The following GALNTL6 variants were observed in gnomAD, a reference collection of about 807,000 sequenced individuals.
The protein encoded by GALNTL6 is polypeptide N-acetylgalactosaminyltransferase-like 6.
A neutral mutation model predicts 73.7 loss-of-function variants in GALNTL6; 46 were observed. The ratio of observed to expected loss-of-function variants is 0.62; its 90% confidence interval spans 0.49 to 0.80. GALNTL6 has a LOEUF of 0.80. Among genes scored for constraint, GALNTL6 ranks in the 30% least tolerant of loss-of-function variants. The probability of loss-of-function intolerance (pLI) is 0.00; values close to 1 mark genes in which losing one functional copy is unlikely to be tolerated. For synonymous variants in GALNTL6, 259 were observed against 263.7 expected (o/e 0.98, Z 0.17); for missense variants, 604 against 755.0 (o/e 0.80, Z 2.34).
At chr4:172,320,786 A>G (rs1740730281) in intron 4 of GALNTL6, among the ~76,000 whole-genome samples, 1 of 152,232 alleles carries the variant, frequency 6.6e-6, no homozygotes, top group African/African-American at 2.4e-5. Context: ...TGGTCAGGAA[A>G]GAGAGGAAGA....
At chr4:172,544,023 G>T (rs1370732464) in intron 5 of GALNTL6, among the ~76,000 whole-genome samples, 1 of 152,142 alleles carries the variant, frequency 6.6e-6, no homozygotes, top group Admixed American at 6.5e-5. Context: ...GTAAAGACAT[G>T]CCCGAGAGGT....
intron 5 of GALNTL6, among the ~76,000 whole-genome samples, chr4:172,396,366 A>G (rs1253219273): frequency 6.8e-6 from 1 of 147,810 alleles, no homozygotes; most frequent in Non-Finnish European, 1.5e-5. Context: ...GTTTTGATTT[A>G]CCATAGTCCT....
chr4:172,547,318 G>C (rs1735809804), intron 5 of GALNTL6, among the ~76,000 whole-genome samples: 1 of 152,076 alleles, frequency 6.6e-6, no homozygotes, highest in Non-Finnish European at 1.5e-5. Flanking sequence ...TCAGACTGAT[G>C]CAAGCCAGGG....
chr4:172,393,421 T>G (rs1032998041), intron 5 of GALNTL6, among the ~76,000 whole-genome samples: 2 of 152,064 alleles, frequency 1.3e-5, no homozygotes, highest in African/African-American at 4.8e-5. Flanking sequence ...CAGGCCAAAT[T>G]TGCCATTAAA....
At chr4:172,879,357 A>G (rs1052794937) in intron 7 of GALNTL6, among the ~76,000 whole-genome samples, 2 of 151,924 alleles carry the variant, frequency 1.3e-5, no homozygotes, top group Admixed American at 1.3e-4. Context: ...ACATTTACCA[A>G]GATAGACCAT....
intron 4 of GALNTL6, among the ~76,000 whole-genome samples, chr4:172,321,492 A>G (rs1476330352): frequency 1.3e-5 from 2 of 152,224 alleles, no homozygotes. Context: ...TAAATATAAC[A>G]GAAAAAGACT....
At chr4:172,663,336 C>A (rs1363040043) in intron 5 of GALNTL6, among the ~76,000 whole-genome samples, 1 of 152,166 alleles carries the variant, frequency 6.6e-6, no homozygotes, top group African/African-American at 2.4e-5. Flanking sequence ...CAGAGAAATG[C>A]AATCGGACTA....
chr4:172,738,068 C>A (rs1226833903), intron 5 of GALNTL6, among the ~76,000 whole-genome samples: 1 of 152,196 alleles, frequency 6.6e-6, no homozygotes, highest in Non-Finnish European at 1.5e-5. Context: ...TCTGCCTGTC[C>A]TCAGAGATAG....
At chr4:171,852,117 G>A (rs765369060) in intron 2 of GALNTL6, among the ~76,000 whole-genome samples, 2 of 152,096 alleles carry the variant, frequency 1.3e-5, no homozygotes, top group Non-Finnish European at 2.9e-5. Flanking sequence ...ATATCTAAAG[G>A]TACTGTAATT....
chr4:172,019,554 A>G (rs1741331717), intron 2 of GALNTL6, among the ~76,000 whole-genome samples: 1 of 152,110 alleles, frequency 6.6e-6, no homozygotes, highest in African/African-American at 2.4e-5. Context: ...CAGGACAAAA[A>G]CTATCAGAAA....
intron 2 of GALNTL6, among the ~76,000 whole-genome samples, chr4:171,845,738 A>T (rs1735352176): frequency 6.6e-6 from 1 of 152,206 alleles, no homozygotes; most frequent in African/African-American, 2.4e-5. Flanking sequence ...AATTCCACCT[A>T]TCAAGCAAGA....
intron 7 of GALNTL6, among the ~76,000 whole-genome samples, chr4:172,837,704 A>G (rs941818130): frequency 1.3e-5 from 2 of 152,210 alleles, no homozygotes; most frequent in Non-Finnish European, 2.9e-5. Context: ...TTCTTCCTGT[A>G]CTGATCCACC....
intron 5 of GALNTL6, among the ~76,000 whole-genome samples, chr4:172,438,643 G>A (rs1375713488): frequency 6.6e-6 from 1 of 151,976 alleles, no homozygotes; most frequent in Non-Finnish European, 1.5e-5. Context: ...CTCTGTCAGT[G>A]CAGTTAAAAG....
chr4:172,524,481 A>G (rs1054911522), intron 5 of GALNTL6, among the ~76,000 whole-genome samples: 4 of 152,128 alleles, frequency 2.6e-5, no homozygotes, highest in South Asian at 2.1e-4. Context: ...GAGTAGCTAT[A>G]TTTCATTCTC....
rs557658476 is a variant in GALNTL6, at chr4:172,620,367, G to A, written c.554-188994G>A. Among the ~76,000 whole-genome samples the A allele has an allele frequency of 5.3e-5, 8 of 152,270 alleles. No individual in the cohort carries two copies. In the South Asian group the frequency reaches 1.7e-3, roughly 32 times the overall value. On this transcript the variant is annotated intron_variant, in intron 5 of 12. Transcript: ENST00000506823. ...TCCCTATAGTACATTTTAAAAGGGT[G>A]AAGATTATAGTAAATGAATAACCAT...
At chr4:172,926,875 G>A (rs1482537915) in intron 8 of GALNTL6, among the ~76,000 whole-genome samples, 1 of 152,068 alleles carries the variant, frequency 6.6e-6, no homozygotes, top group East Asian at 1.9e-4. Flanking sequence ...AATAATTACA[G>A]TCACTAAATT....
intron 2 of GALNTL6, among the ~76,000 whole-genome samples, chr4:172,035,434 T>C (rs1560894441): frequency 1.3e-5 from 2 of 151,408 alleles, no homozygotes; most frequent in African/African-American, 4.9e-5. Context: ...TACTAACACC[T>C]AGAATAAAAA....
intron 5 of GALNTL6, among the ~76,000 whole-genome samples, chr4:172,458,398 T>G (rs2111437306): frequency 6.6e-6 from 1 of 151,328 alleles, no homozygotes; most frequent in African/African-American, 2.4e-5. Flanking sequence ...GATAGAGATA[T>G]GAAAAACCCT....
intron 2 of GALNTL6, among the ~76,000 whole-genome samples, chr4:172,198,447 A>T (rs1414458729): frequency 2.6e-5 from 4 of 152,150 alleles, no homozygotes; most frequent in African/African-American, 9.7e-5. Context: ...AAAGTGGGCA[A>T]AAGGTATGAA....
Sources: allele counts gnomAD v4.1 joint callset (sites outside exome capture counted in the v4.1 genomes callset), GRCh38; gene constraint gnomAD v4.1.1; transcripts MANE v1.5; gene names NCBI Gene and HGNC (gene_info 2026-07-23, HGNC 2026-07-21).